Variants in PDE1C observed in about 807,000 individuals in gnomAD.
The protein encoded by PDE1C is dual specificity calcium/calmodulin-dependent 3',5'-cyclic nucleotide phosphodiesterase 1C.
Under a neutral mutation model 93.1 loss-of-function variants are expected in PDE1C, and 62 were observed. That is an observed-to-expected ratio of 0.67 (90% CI 0.54 to 0.82). The LOEUF is 0.82. Among genes scored for constraint, PDE1C ranks in the 40% least tolerant of loss-of-function variants. PDE1C has a pLI of 0.00. For synonymous variants in PDE1C, 325 were observed against 310.1 expected, an observed-to-expected ratio of 1.05 and a Z score of -0.50; for missense variants, 742 against 884.6, an observed-to-expected ratio of 0.84 and a Z score of 2.04.
the PDE1C span, among the ~76,000 whole-genome samples, chr7:31,670,184 T>G: frequency 6.6e-6 from 1 of 152,190 alleles, no homozygotes; most frequent in Admixed American, 6.5e-5. Context: ...TATTGCAGAT[T>G]TTTTGTTTGT....
At chr7:32,002,013 C>T (rs796303502) in intron 2 of PDE1C, among the ~76,000 whole-genome samples, 41 of 152,222 alleles carry the variant, frequency 2.7e-4, no homozygotes, top group African/African-American at 7.7e-4. Context: ...GAGCTGAGAT[C>T]GTGCCACTAC....
chr7:31,848,078 C>A lies in PDE1C; in HGVS notation c.870G>T (p.Leu290=), dbSNP rs1301552956. The change falls in exon 9 of 18, where the codon CTG becomes CTT. Residue 290 remains leucine, a synonymous_variant. Transcript: ENST00000396191. ...TCTCCAGTACAGATCTGTCATTATA[C>A]AGAATAGCTGGATCAGACCTGAACA... ...HIQTRSDPAI[L]YNDRSVLENH... 6.2e-7 allele frequency: 1 copy of A among 1,612,930 alleles called. No individual in the cohort carries two copies. The highest frequency in any genetic ancestry group is 2.2e-5 in the East Asian group (1 of 44,802).
chr7:32,194,312 G>A (rs1293517491), intron 2 of PDE1C, among the ~76,000 whole-genome samples: 1 of 152,118 alleles, frequency 6.6e-6, no homozygotes, highest in African/African-American at 2.4e-5. Flanking sequence ...ATATCTGCAT[G>A]GTCTGTGGTG....
At chr7:32,298,089 C>G (rs902669827) in intron 1 of PDE1C, among the ~76,000 whole-genome samples, 1 of 140,536 alleles carries the variant, frequency 7.1e-6, no homozygotes, top group African/African-American at 2.7e-5. Flanking sequence ...ATTCCCCGGT[C>G]TCTGTCTCTC....
chr7:32,131,272 C>T (rs532167652), intron 3 of PDE1C, among the ~76,000 whole-genome samples: 12 of 152,270 alleles, frequency 7.9e-5, no homozygotes, highest in Admixed American at 2.0e-4. Flanking sequence ...GAATGCCAGA[C>T]AGACGTTTTT....
the PDE1C span, among the ~76,000 whole-genome samples, chr7:31,692,968 T>C: frequency 6.6e-6 from 1 of 152,224 alleles, no homozygotes; most frequent in Non-Finnish European, 1.5e-5. Flanking sequence ...TGCTTTATTG[T>C]CAATCTGTTT....
the PDE1C span, among the ~76,000 whole-genome samples, chr7:31,626,075 A>C: frequency 6.6e-6 from 1 of 152,226 alleles, no homozygotes; most frequent in African/African-American, 2.4e-5. Flanking sequence ...ATCAAAGAAC[A>C]GACAGAAGTT....
intron 3 of PDE1C, among the ~76,000 whole-genome samples, chr7:32,079,315 T>C (rs974039017): frequency 6.6e-6 from 1 of 152,148 alleles, no homozygotes; most frequent in Non-Finnish European, 1.5e-5. Flanking sequence ...CTAAACAGAT[T>C]ATAAAACAAC....
At chr7:31,964,136 C>T (rs1488171631) in intron 2 of PDE1C, among the ~76,000 whole-genome samples, 3 of 152,214 alleles carry the variant, frequency 2.0e-5, no homozygotes, top group Non-Finnish European at 4.4e-5. Flanking sequence ...GCGCACCGTG[C>T]GTGAGCCAAA....
intron 2 of PDE1C, among the ~76,000 whole-genome samples, chr7:31,983,189 C>T (rs996366359): frequency 6.6e-6 from 1 of 152,220 alleles, no homozygotes; most frequent in Non-Finnish European, 1.5e-5. Context: ...ACAGAAACAT[C>T]TCCCAATTAC....
the PDE1C span, chr7:31,643,284 C>T: frequency 3.7e-5 from 60 of 1,613,734 alleles, no homozygotes; most frequent in Non-Finnish European, 5.0e-5. Context: ...TACCAGAAAG[C>T]TCATCACAGT....
chr7:31,953,051 G>A (rs1807622547), intron 2 of PDE1C, among the ~76,000 whole-genome samples: 1 of 152,090 alleles, frequency 6.6e-6, no homozygotes, highest in Non-Finnish European at 1.5e-5. Context: ...CTTTTCCACA[G>A]TAGGTGTTCA....
intron 1 of PDE1C, among the ~76,000 whole-genome samples, chr7:32,357,329 A>ATC (rs201582368): frequency 0.092 from 13,254 of 143,474 alleles, 543 homozygotes; most frequent in African/African-American, 0.17. Flanking sequence ...GCGAGATTCC[A>ATC]TCACACACAA....
At chr7:31,655,859 C>G in the PDE1C span, 1 of 985,402 alleles carries the variant, frequency 1.0e-6, no homozygotes, top group South Asian at 4.7e-5. Context: ...TTCCCTGTAA[C>G]GCCTACGGAA....
chr7:31,664,511 C>G, the PDE1C span, among the ~76,000 whole-genome samples: 1 of 152,092 alleles, frequency 6.6e-6, no homozygotes, highest in African/African-American at 2.4e-5. Context: ...TTCCAGTTGC[C>G]ATAAGAATGG....
chr7:32,178,320 C>T lies in PDE1C; in HGVS notation c.137-8364G>A, dbSNP rs536443139. Among the ~76,000 whole-genome samples, 123 of 152,290 alleles carry T rather than the reference C, an allele frequency of 8.1e-4. 1 individual carries two copies. The highest frequency in any genetic ancestry group is 2.9e-3 in the African/African-American group (119 of 41,550). On this transcript the variant is annotated intron_variant, in intron 2 of 18. Coordinates refer to the PDE1C transcript ENST00000396193. ...GAGTAAGTACTCTCCTCTGTGAACTCTGAGAGAGTGGAAAAGAACCCTTCC... is the reference window on the plus strand; with the variant it reads ...GAGTAAGTACTCTCCTCTGTGAACTTTGAGAGAGTGGAAAAGAACCCTTCC...
In PDE1C at chr7:32,132,415, A is replaced by G. The variant is rs914704848; in HGVS notation, c.308+37370T>C. On this transcript the variant is annotated intron_variant, in intron 3 of 18. Coordinates refer to the PDE1C transcript ENST00000396193. ...GCAGTGGCTCACGCCTGTAATCCCA[A>G]CACTTTGGGAGGCCAAGGTGGATTG... is the stretch of plus-strand genomic sequence containing the variant. 2.0e-5 allele frequency among the ~76,000 whole-genome samples: 3 copies of G among 152,086 alleles called. 1 individual carries two copies. The South Asian group carries it at 6.2e-4, about 31-fold the overall frequency.
At chr7:32,156,750 A>G (rs905417728) in intron 3 of PDE1C, among the ~76,000 whole-genome samples, 1 of 152,252 alleles carries the variant, frequency 6.6e-6, no homozygotes, top group Admixed American at 6.5e-5. Flanking sequence ...TGATAGGGTT[A>G]GAAAATACCA....
chr7:32,046,973 T>C (rs1347627063), intron 2 of PDE1C, among the ~76,000 whole-genome samples: 1 of 151,962 alleles, frequency 6.6e-6, no homozygotes, highest in Non-Finnish European at 1.5e-5. Context: ...CCCTCAGGTT[T>C]GTGGATAGGT....
Sources: allele counts gnomAD v4.1 joint callset (sites outside exome capture counted in the v4.1 genomes callset), GRCh38; gene constraint gnomAD v4.1.1; transcripts MANE v1.5; gene names NCBI Gene and HGNC (gene_info 2026-07-23, HGNC 2026-07-21).